The following NAV3 variants were observed in gnomAD, a reference collection of about 807,000 sequenced individuals.
The protein encoded by NAV3 is pore membrane and/or filament interacting like protein 1.
A neutral mutation model predicts 244.7 loss-of-function variants in NAV3; 87 were observed. The observed-to-expected ratio is 0.36, with a 90% CI of 0.30 to 0.42. NAV3 has a LOEUF of 0.42. Ranked by LOEUF, NAV3 falls within the 20% of genes least tolerant of loss-of-function variation. The pLI, the probability that NAV3 is intolerant of heterozygous loss-of-function variation, is 1.00. For missense variants in NAV3, 2,663 were observed against 2,893.3 expected, an observed-to-expected ratio of 0.92 and a Z score of 1.83; for synonymous variants, 1,126 against 1,042.2, an observed-to-expected ratio of 1.08 and a Z score of -1.55.
At chr12:77,741,815 T>C (rs998159895) in intron 2 of NAV3, among the ~76,000 whole-genome samples, 1 of 152,168 alleles carries the variant, frequency 6.6e-6, no homozygotes, top group Non-Finnish European at 1.5e-5. Context: ...TTATCACTGC[T>C]CACTAATTCC....
intron 1 of NAV3, among the ~76,000 whole-genome samples, chr12:77,901,916 T>G (rs1488228545): frequency 6.6e-6 from 1 of 152,102 alleles, no homozygotes; most frequent in Non-Finnish European, 1.5e-5. Context: ...GGGTAACATG[T>G]TAGGGGTGAC....
intron 1 of NAV3, among the ~76,000 whole-genome samples, chr12:77,866,752 C>T (rs1880100586): frequency 6.6e-6 from 1 of 152,168 alleles, no homozygotes; most frequent in Non-Finnish European, 1.5e-5. Flanking sequence ...ACTTGAATAA[C>T]ATTCAAATGG....
chr12:77,785,268 C>G (rs917408917), intron 2 of NAV3, among the ~76,000 whole-genome samples: 8 of 152,120 alleles, frequency 5.3e-5, no homozygotes, highest in African/African-American at 1.9e-4. Context: ...GCCTCTGAGA[C>G]TCTGGACTCT....
chr12:78,087,870 T>C (rs1028010730), intron 12 of NAV3, among the ~76,000 whole-genome samples: 2 of 151,910 alleles, frequency 1.3e-5, no homozygotes, highest in Non-Finnish European at 2.9e-5. Flanking sequence ...TTAATTTGAA[T>C]ATTCACTTAT....
chr12:77,681,764 A>C (rs1874480676), intron 2 of NAV3, among the ~76,000 whole-genome samples: 1 of 152,184 alleles, frequency 6.6e-6, no homozygotes, highest in South Asian at 2.1e-4. Flanking sequence ...ACTAACATCA[A>C]CCAGGATTTC....
rs142650450 is a variant in NAV3, at chr12:77,746,226, C to T, written c.72+173960C>T. ...GGGGATAGATAGTAAATATATTTGGCTTAGCAAACCATATGGTCTCTGTCA... is the reference window on the plus strand; with the variant it reads ...GGGGATAGATAGTAAATATATTTGGTTTAGCAAACCATATGGTCTCTGTCA... On this transcript the variant is annotated intron_variant, in intron 2 of 8. Coordinates refer to the NAV3 transcript ENST00000550042. 3.0e-4 allele frequency among the ~76,000 whole-genome samples: 45 copies of T among 152,146 alleles called. 1 individual carries two copies. Among genetic ancestry groups the T allele is most frequent in the Non-Finnish European group, 5.9e-4 (40 of 67,978 alleles).
intron 2 of NAV3, among the ~76,000 whole-genome samples, chr12:77,763,961 C>T (rs1468493295): frequency 1.3e-5 from 2 of 152,224 alleles, no homozygotes; most frequent in Non-Finnish European, 1.5e-5. Flanking sequence ...GCATGGAATA[C>T]TCCGAGGCCT....
intron 2 of NAV3, among the ~76,000 whole-genome samples, chr12:77,780,016 A>C (rs922103147): frequency 6.6e-6 from 1 of 152,050 alleles, no homozygotes; most frequent in African/African-American, 2.4e-5. Flanking sequence ...GCAGTGTTTT[A>C]GTTTTTTATT....
At chr12:78,095,661 A>C (rs539136969) in intron 12 of NAV3, among the ~76,000 whole-genome samples, 2 of 152,202 alleles carry the variant, frequency 1.3e-5, no homozygotes, top group African/African-American at 2.4e-5. Context: ...CGTGAAGACA[A>C]TGGCAACACA....
At chr12:78,039,773 T>C (rs1200281267) in intron 9 of NAV3, among the ~76,000 whole-genome samples, 3 of 149,708 alleles carry the variant, frequency 2.0e-5, no homozygotes, top group Non-Finnish European at 4.5e-5. Flanking sequence ...GATGCTGTTA[T>C]TTTTTTTTTC....
At chr12:78,007,481 T>G in intron 8 of NAV3, 36 bp downstream of exon 8, 1 of 1,585,936 alleles carries the variant, frequency 6.3e-7, no homozygotes, top group Non-Finnish European at 8.6e-7. Context: ...GTTGTAAATA[T>G]ATTTACAGGC....
intron 16 of NAV3, among the ~76,000 whole-genome samples, chr12:78,123,167 C>T (rs752482773): frequency 6.6e-6 from 1 of 152,022 alleles, no homozygotes; most frequent in Non-Finnish European, 1.5e-5. Flanking sequence ...TTATACTGTA[C>T]TGACTCTTAC....
At chr12:78,170,040 C>A (rs1446071923) in intron 24 of NAV3, among the ~76,000 whole-genome samples, 1 of 151,550 alleles carries the variant, frequency 6.6e-6, no homozygotes, top group East Asian at 1.9e-4. Flanking sequence ...TATAGAAAAT[C>A]ATCTCATACT....
At chr12:77,825,693 C>T (rs1872954709) in intron 2 of NAV3, among the ~76,000 whole-genome samples, 1 of 152,106 alleles carries the variant, frequency 6.6e-6, no homozygotes, top group African/African-American at 2.4e-5. Flanking sequence ...AGGACCCCCA[C>T]TCACAAGACT....
intron 2 of NAV3, among the ~76,000 whole-genome samples, chr12:77,777,196 G>A (rs1025995944): frequency 6.6e-6 from 1 of 151,992 alleles, no homozygotes; most frequent in African/African-American, 2.4e-5. Context: ...CTTTGATAAA[G>A]TTTAATTTAT....
At chr12:77,786,415 C>T (rs1224231780) in intron 2 of NAV3, among the ~76,000 whole-genome samples, 3 of 151,794 alleles carry the variant, frequency 2.0e-5, no homozygotes, top group Admixed American at 2.0e-4. Flanking sequence ...TAATATTGTT[C>T]ATATGTTAAA....
chr12:77,613,543 T>G (rs953570999), intron 2 of NAV3, among the ~76,000 whole-genome samples: 3 of 152,150 alleles, frequency 2.0e-5, no homozygotes, highest in Admixed American at 6.6e-5. Flanking sequence ...TATTCTTTCT[T>G]GTCATTATTT....
intron 23 of NAV3, among the ~76,000 whole-genome samples, chr12:78,166,355 C>T (rs976138229): frequency 4.0e-5 from 6 of 151,626 alleles, no homozygotes; most frequent in African/African-American, 1.5e-4. Flanking sequence ...AGGAATTTTG[C>T]AAATATGGAA....
At chr12:78,071,315 A>G (rs934725638) in intron 12 of NAV3, among the ~76,000 whole-genome samples, 3 of 152,104 alleles carry the variant, frequency 2.0e-5, no homozygotes, top group African/African-American at 7.2e-5. Context: ...GATGATGAGT[A>G]TCTTTTCTTG....
Sources: gnomAD v4.1 joint callset for allele counts (sites outside exome capture counted in the v4.1 genomes callset) on GRCh38, gnomAD v4.1.1 for gene constraint, MANE v1.5 for transcripts, NCBI Gene and HGNC (gene_info 2026-07-23, HGNC 2026-07-21) for gene names.